The following KIRREL1 variants were observed in gnomAD, a reference collection of about 807,000 sequenced individuals.
The protein encoded by KIRREL1 is kirre like nephrin family adhesion molecule 1, also known as kin of IRRE-like protein 1.
KIRREL1 carries 25 observed loss-of-function variants against 83.3 expected under a neutral mutation model. That is an observed-to-expected ratio of 0.30 (90% CI 0.22 to 0.42). The LOEUF is 0.42. KIRREL1 is among the 10% of genes least tolerant of loss of function. The pLI, the probability that KIRREL1 is intolerant of heterozygous loss-of-function variation, is 1.00. For synonymous variants in KIRREL1, 388 were observed against 410.4 expected (o/e 0.95, Z 0.66); for missense variants, 812 against 1,032.3 (o/e 0.79, Z 2.92).
At chr1:158,058,932 T>G (rs1344012888) in intron 1 of KIRREL1, among the ~76,000 whole-genome samples, 1 of 152,132 alleles carries the variant, frequency 6.6e-6, no homozygotes, top group Non-Finnish European at 1.5e-5. Flanking sequence ...CGACATGTCC[T>G]GAGAGATGTG....
intron 1 of KIRREL1, among the ~76,000 whole-genome samples, chr1:158,069,959 A>G (rs1181106782): frequency 6.6e-6 from 1 of 152,204 alleles, no homozygotes; most frequent in Non-Finnish European, 1.5e-5. Context: ...TTGGTGCTTT[A>G]TGAATCACCA....
At position 158,091,990 on chromosome 1, in the gene KIRREL1, G is replaced by A. The variant is rs1487169813; in HGVS notation, c.1471+434G>A. 5.3e-5 allele frequency among the ~76,000 whole-genome samples: 8 copies of A among 152,204 alleles called. No homozygotes were observed. The South Asian group carries it at 1.0e-3, about 20-fold the overall frequency. ...TTACAGAGTGGTAGTAAATTAATTC[G>A]GATGGAGAAGAATCATATGAACTGC... On this transcript the variant is annotated intron_variant, in intron 11 of 14. Coordinates refer to ENST00000359209, the MANE Select transcript of KIRREL1 (RefSeq NM_018240.7).
chr1:158,043,574 T>C (rs1320103364), intron 1 of KIRREL1, among the ~76,000 whole-genome samples: 2 of 152,178 alleles, frequency 1.3e-5, no homozygotes, highest in East Asian at 1.9e-4. Context: ...CTGACAGGAC[T>C]CCCTAAATAA....
intron 1 of KIRREL1, among the ~76,000 whole-genome samples, chr1:158,018,706 G>A (rs1220665739): frequency 1.3e-5 from 2 of 152,108 alleles, no homozygotes; most frequent in Non-Finnish European, 2.9e-5. Context: ...AGGAGCCCTG[G>A]AAAAAGAGGG....
intron 8 of KIRREL1, among the ~76,000 whole-genome samples, chr1:158,089,102 G>C (rs1461070673): frequency 6.6e-6 from 1 of 152,142 alleles, no homozygotes; most frequent in African/African-American, 2.4e-5. Flanking sequence ...CACTAAAGAA[G>C]GCTGGAGTCT....
chr1:158,084,131 A>AAAAC (rs1006821458), intron 3 of KIRREL1, among the ~76,000 whole-genome samples: 41 of 152,248 alleles, frequency 2.7e-4, no homozygotes, highest in African/African-American at 8.4e-4. Context: ...CTCCATCTCA[A>AAAAC]AAACAAACAA....
intron 1 of KIRREL1, among the ~76,000 whole-genome samples, chr1:158,025,126 G>A (rs1393960217): frequency 1.3e-5 from 2 of 152,200 alleles, no homozygotes; most frequent in South Asian, 4.1e-4. Context: ...GGACTAATGC[G>A]TGGATTGAAT....
chr1:158,066,780 C>T (rs12135392), intron 1 of KIRREL1, among the ~76,000 whole-genome samples: 7,066 of 152,248 alleles, frequency 0.046, 272 homozygotes, highest in Non-Finnish European at 0.067. Context: ...GCCTCCTTCC[C>T]GCTCTGTCTT....
chr1:158,052,675 A>C (rs1013956421), intron 1 of KIRREL1, among the ~76,000 whole-genome samples: 1 of 151,700 alleles, frequency 6.6e-6, no homozygotes, highest in South Asian at 2.1e-4. Flanking sequence ...AGTCCCAGCA[A>C]CTCCAGAGGA....
chr1:158,037,364 A>G (rs1187612166), intron 1 of KIRREL1, among the ~76,000 whole-genome samples: 1 of 152,042 alleles, frequency 6.6e-6, no homozygotes, highest in Non-Finnish European at 1.5e-5. Context: ...GTGGTGGCAC[A>G]TGCCTGTAGT....
chr1:158,081,040 C>T (rs1661837375), intron 3 of KIRREL1, among the ~76,000 whole-genome samples: 1 of 134,378 alleles, frequency 7.4e-6, no homozygotes, highest in Admixed American at 7.4e-5. Context: ...CCCCCAGCTC[C>T]CCAGGCCAGG....
intron 1 of KIRREL1, among the ~76,000 whole-genome samples, chr1:158,062,365 T>C (rs1419721335): frequency 6.6e-6 from 1 of 152,172 alleles, no homozygotes; most frequent in Non-Finnish European, 1.5e-5. Context: ...GAGCCTCCAC[T>C]CCAGGCTTCC....
At chr1:158,007,735 G>C (rs1659559752) in intron 1 of KIRREL1, among the ~76,000 whole-genome samples, 1 of 151,876 alleles carries the variant, frequency 6.6e-6, no homozygotes, top group Non-Finnish European at 1.5e-5. Context: ...ACCCTTTAAG[G>C]GTAGGAGGGT....
chr1:158,073,202 G>A (rs905859758), intron 1 of KIRREL1, among the ~76,000 whole-genome samples: 3 of 152,108 alleles, frequency 2.0e-5, no homozygotes, highest in Non-Finnish European at 2.9e-5. Flanking sequence ...AAATTCCCGA[G>A]ATGTCTTTAC....
At chr1:158,088,210 T>G in intron 7 of KIRREL1, 56 bp downstream of exon 7, 1 of 1,613,158 alleles carries the variant, frequency 6.2e-7, no homozygotes, top group South Asian at 1.1e-5. Flanking sequence ...CCAAAGGGCC[T>G]TGGACAGAGT....
At chr1:158,088,647 G>C (rs1413286791) in intron 8 of KIRREL1, among the ~76,000 whole-genome samples, 193 bp downstream of exon 8, 1 of 151,428 alleles carries the variant, frequency 6.6e-6, no homozygotes, top group East Asian at 1.9e-4. Context: ...ACCACGCCCG[G>C]CTAATTTTTT....
intron 10 of KIRREL1, 94 bp from the exon 11 acceptor site, chr1:158,091,264 G>T (rs1231287220): frequency 3.5e-6 from 4 of 1,158,500 alleles, no homozygotes; most frequent in South Asian, 2.9e-5. Flanking sequence ...GCACATAGGG[G>T]TGAGGGTGCC....
At chr1:158,086,561 G>C in intron 4 of KIRREL1, 35 bp from the exon 5 acceptor site, 1 of 1,548,070 alleles carries the variant, frequency 6.5e-7, no homozygotes, top group Non-Finnish European at 8.7e-7. Context: ...GGGGCTTTTA[G>C]CTTAACCATA....
At chr1:158,093,266 T>C in intron 11 of KIRREL1, 73 bp from the exon 12 acceptor site, 1 of 1,302,368 alleles carries the variant, frequency 7.7e-7, no homozygotes, top group Non-Finnish European at 1.1e-6. Flanking sequence ...TGGCCTAGCC[T>C]TTAGCCAGCA....
Sources: allele counts gnomAD v4.1 joint callset (sites outside exome capture counted in the v4.1 genomes callset), GRCh38; gene constraint gnomAD v4.1.1; transcripts MANE v1.5; gene names NCBI Gene and HGNC (gene_info 2026-07-23, HGNC 2026-07-21).